Variants in LHFPL3 observed in about 807,000 individuals in gnomAD.
LHFPL3 encodes the protein LHFPL tetraspan subfamily member 3.
In LHFPL3, 5 loss-of-function variants were observed where a neutral mutation model predicts 19.3. The ratio of observed to expected loss-of-function variants is 0.26; its 90% CI spans 0.14 to 0.54. LHFPL3 has a LOEUF of 0.54. Ranked by LOEUF, LHFPL3 falls within the 20% of genes least tolerant of loss-of-function variation. LHFPL3 has a pLI of 0.94. For synonymous variants in LHFPL3, 133 were observed against 126.2 expected (o/e 1.05, Z -0.36); for missense variants, 249 against 307.4 (o/e 0.81, Z 1.42).
intron 2 of LHFPL3, among the ~76,000 whole-genome samples, chr7:104,821,082 C>A (rs756823906): frequency 6.6e-6 from 1 of 152,098 alleles, no homozygotes; most frequent in East Asian, 1.9e-4. Context: ...CAAAGCATCA[C>A]GGCAATTAGA....
At chr7:104,591,075 A>T (rs1219040212) in intron 1 of LHFPL3, among the ~76,000 whole-genome samples, 2 of 152,142 alleles carry the variant, frequency 1.3e-5, no homozygotes, top group African/African-American at 2.4e-5. Context: ...CCAATTTGCC[A>T]GTCTGTGTCT....
intron 1 of LHFPL3, among the ~76,000 whole-genome samples, chr7:104,529,079 G>A (rs1794243619): frequency 6.6e-6 from 1 of 152,110 alleles, no homozygotes; most frequent in Non-Finnish European, 1.5e-5. Context: ...AGGACCAGTG[G>A]GAGAAGAGCA....
rs542507741 is a variant in LHFPL3, at chr7:104,836,159, A to G, written c.683-70028A>G. 2.0e-5 allele frequency among the ~76,000 whole-genome samples: 3 copies of G among 152,292 alleles called. No individual in the cohort carries two copies. In the East Asian group the frequency reaches 5.8e-4, roughly 29 times the overall value. ...CTAGGAGAAGTGAAGAGCATATGCA[A>G]TGATCCTAAGATGGGAAGGAGAATC... On this transcript the variant is annotated intron_variant, in intron 2 of 2. Transcript: ENST00000424859.
At chr7:104,750,367 G>A (rs1218557159) in intron 2 of LHFPL3, among the ~76,000 whole-genome samples, 1 of 152,192 alleles carries the variant, frequency 6.6e-6, no homozygotes, top group Admixed American at 6.5e-5. Flanking sequence ...TGTCGGATCA[G>A]TGCTTCCAAA....
intron 2 of LHFPL3, among the ~76,000 whole-genome samples, chr7:104,823,687 A>T (rs1790721717): frequency 6.6e-6 from 1 of 152,146 alleles, no homozygotes; most frequent in South Asian, 2.1e-4. Context: ...TTGATCTTCA[A>T]TTGGTCTGTG....
chr7:104,710,697 T>C (rs997339034), intron 1 of LHFPL3, among the ~76,000 whole-genome samples: 6 of 152,212 alleles, frequency 3.9e-5, no homozygotes, highest in Non-Finnish European at 8.8e-5. Context: ...CATCAGGTTG[T>C]AATGAGGTTT....
At chr7:104,770,601 C>A (rs536097696) in intron 2 of LHFPL3, among the ~76,000 whole-genome samples, 23 of 152,286 alleles carry the variant, frequency 1.5e-4, no homozygotes, top group African/African-American at 5.1e-4. Context: ...CACACAGAAC[C>A]TCTCTGGGAA....
intron 1 of LHFPL3, among the ~76,000 whole-genome samples, chr7:104,714,857 G>A (rs1305781066): frequency 6.6e-6 from 1 of 152,040 alleles, no homozygotes; most frequent in East Asian, 1.9e-4. Flanking sequence ...AACAGGACTG[G>A]GTGCAGAGGG....
chr7:104,485,109 C>A (rs1363863705), intron 1 of LHFPL3, among the ~76,000 whole-genome samples: 1 of 152,024 alleles, frequency 6.6e-6, no homozygotes, highest in Admixed American at 6.6e-5. Flanking sequence ...GTAATTTATT[C>A]ATATAACTTG....
chr7:104,332,309 A>T (rs926928803), intron 1 of LHFPL3, among the ~76,000 whole-genome samples: 3 of 139,082 alleles, frequency 2.2e-5, no homozygotes, highest in Non-Finnish European at 3.0e-5. Flanking sequence ...GGCTCACTGA[A>T]ACCTCTACCT....
intron 1 of LHFPL3, among the ~76,000 whole-genome samples, chr7:104,408,785 ACTAGCAATGTCTGC>A (rs1791472106): frequency 6.6e-6 from 1 of 151,888 alleles, no homozygotes; most frequent in East Asian, 1.9e-4. Context: ...ACCGTGATAG[ACTAGCAATGTCTGC>A]CTTTTTGCTA....
At chr7:104,642,856 T>G (rs1791862796) in intron 1 of LHFPL3, among the ~76,000 whole-genome samples, 1 of 152,218 alleles carries the variant, frequency 6.6e-6, no homozygotes. Flanking sequence ...GTAAAAAGAT[T>G]ATACAACTAT....
intron 1 of LHFPL3, among the ~76,000 whole-genome samples, chr7:104,716,051 C>G (rs1352371302): frequency 2.0e-5 from 3 of 152,144 alleles, no homozygotes; most frequent in African/African-American, 4.8e-5. Flanking sequence ...AAGAAATAAA[C>G]AGCCATCCAA....
At chr7:104,482,285 A>G (rs1050565545) in intron 1 of LHFPL3, among the ~76,000 whole-genome samples, 2 of 152,168 alleles carry the variant, frequency 1.3e-5, no homozygotes, top group Admixed American at 6.5e-5. Flanking sequence ...AACACTCTCT[A>G]TAAGTCATTT....
chr7:104,609,826 T>C (rs1482786112), intron 1 of LHFPL3, among the ~76,000 whole-genome samples: 6 of 152,222 alleles, frequency 3.9e-5, no homozygotes, highest in Non-Finnish European at 7.3e-5. Context: ...AAGAAGTGAC[T>C]ATTCTGGGAA....
intron 2 of LHFPL3, among the ~76,000 whole-genome samples, chr7:104,834,648 T>TA (rs1791056946): frequency 6.6e-6 from 1 of 151,988 alleles, no homozygotes; most frequent in African/African-American, 2.4e-5. Flanking sequence ...AAGGAAGACA[T>TA]ACGCCCAAAG....
chr7:104,481,346 T>C (rs1793132821), intron 1 of LHFPL3, among the ~76,000 whole-genome samples: 1 of 152,164 alleles, frequency 6.6e-6, no homozygotes. Flanking sequence ...ATGCCTCCCA[T>C]GTCTTTTCAC....
At chr7:104,357,709 C>T (rs1341218509) in intron 1 of LHFPL3, among the ~76,000 whole-genome samples, 1 of 152,138 alleles carries the variant, frequency 6.6e-6, no homozygotes, top group Admixed American at 6.5e-5. Flanking sequence ...CAGACTGGAA[C>T]ACTCAGGCAT....
intron 1 of LHFPL3, among the ~76,000 whole-genome samples, chr7:104,526,939 T>A (rs1208634012): frequency 1.3e-5 from 2 of 152,150 alleles, no homozygotes. Flanking sequence ...ACCTTTGTAA[T>A]AAAATATCAA....
Sources: allele counts gnomAD v4.1 joint callset (sites outside exome capture counted in the v4.1 genomes callset), GRCh38; gene constraint gnomAD v4.1.1; transcripts MANE v1.5; gene names NCBI Gene and HGNC (gene_info 2026-07-23, HGNC 2026-07-21).